The following HIBCH variants were observed in gnomAD, a reference collection of about 807,000 sequenced individuals.
HIBCH encodes 3-hydroxyisobutyryl-CoA hydrolase.
A neutral mutation model predicts 58.2 loss-of-function variants in HIBCH; 50 were observed. The observed-to-expected ratio is 0.86, with a 90% confidence interval of 0.68 to 1.09. The LOEUF (loss-of-function observed/expected upper bound fraction) is 1.09, where lower values mean the gene tolerates loss of function less well. Among genes scored for constraint, HIBCH ranks in the 50% least tolerant of loss-of-function variants. The probability of loss-of-function intolerance (pLI) is 0.00; values close to 1 mark genes in which losing one functional copy is unlikely to be tolerated. For synonymous variants in HIBCH, 151 were observed against 146.9 expected, an observed-to-expected ratio of 1.03 and a Z score of -0.20; for missense variants, 450 against 449.7, an observed-to-expected ratio of 1.00 and a Z score of -0.01.
downstream of HIBCH, among the ~76,000 whole-genome samples, chr2:190,199,329 C>T (rs968118061): frequency 1.6e-4 from 24 of 152,162 alleles, no homozygotes; most frequent in Non-Finnish European, 2.9e-5. Context: ...CATGTAAACA[C>T]GTGAGCATGG....
intron 8 of HIBCH, chr2:190,251,622 T>C (rs955743131): frequency 9.7e-5 from 39 of 401,532 alleles, no homozygotes; most frequent in African/African-American, 7.8e-4. Context: ...ACTCAAACTA[T>C]CTATATATTC....
chr2:190,194,204 G>A (rs1341312870), intron 1 of HIBCH, among the ~76,000 whole-genome samples: 1 of 152,152 alleles, frequency 6.6e-6, no homozygotes. Context: ...CACTTGATAA[G>A]AATATGTAAT....
intron 11 of HIBCH, among the ~76,000 whole-genome samples, chr2:190,227,822 A>G (rs1456678355): frequency 6.6e-6 from 1 of 152,376 alleles, no homozygotes; most frequent in Middle Eastern, 3.4e-3. Context: ...ATCATTGGCC[A>G]TCAGAGAAAT....
chr2:190,288,825 A>C (rs2664267), intron 5 of HIBCH, among the ~76,000 whole-genome samples: 107,830 of 151,780 alleles, frequency 0.71, 38,939 homozygotes, highest in South Asian at 0.75. Flanking sequence ...CTTTAAACTT[A>C]CACCACACCA....
At chr2:190,287,789 T>C (rs1687868453) in intron 5 of HIBCH, 151 bp from the exon 6 acceptor site, 3 of 638,864 alleles carry the variant, frequency 4.7e-6, no homozygotes, top group Non-Finnish European at 5.6e-6. Context: ...GCTTATAAAA[T>C]ACATATTTTT....
intron 1 of HIBCH, among the ~76,000 whole-genome samples, chr2:190,314,750 A>C (rs891116600): frequency 6.6e-6 from 1 of 152,130 alleles, no homozygotes; most frequent in African/African-American, 2.4e-5. Flanking sequence ...AAGTGCTGGG[A>C]TGACAGGTGT....
chr2:190,294,418 ATG>A, intron 4 of HIBCH, 126 bp downstream of exon 4: 1 of 675,244 alleles, frequency 1.5e-6, no homozygotes, highest in Non-Finnish European at 2.6e-6. Flanking sequence ...TTTCCTAAGA[ATG>A]TATTAACTTT....
intron 6 of HIBCH, among the ~76,000 whole-genome samples, chr2:190,265,375 T>C (rs2105957219): frequency 6.6e-6 from 1 of 152,258 alleles, no homozygotes; most frequent in South Asian, 2.1e-4. Context: ...TTTTTCAGGT[T>C]TATTAGCTAT....
chr2:190,267,256 G>A lies in HIBCH; in HGVS notation c.439-6022C>T, dbSNP rs552271383. Among the ~76,000 whole-genome samples the A allele has an allele frequency of 2.6e-5, 4 of 152,108 alleles. No homozygotes were observed. In the South Asian group the frequency reaches 8.3e-4, roughly 32 times the overall value. On this transcript the variant is annotated intron_variant, in intron 6 of 13. Transcript: ENST00000359678. ...CAGAATCTCTGTCACCTAGGCTGGA[G>A]CACAGTGGCGTGACCTTGGCTCATT...
At chr2:190,199,749 C>T, downstream of HIBCH, 2 of 1,520,130 alleles carry the variant, frequency 1.3e-6, no homozygotes, top group South Asian at 1.3e-5. Flanking sequence ...ACTGAAGTGC[C>T]CTGGAGAGGG....
chr2:190,294,699 T>C lies in HIBCH; in HGVS notation c.220-69A>G, dbSNP rs968613561. The stretch of plus-strand genomic sequence containing the variant: ...CAAACTCATTAAAGTTATATGCATA[T>C]GCACATATATTCAATCATATATTCA... On this transcript the variant is annotated intron_variant, in intron 3 of 13. Transcript: ENST00000359678. The C allele has an allele frequency of 7.5e-6, 7 of 937,584 alleles. 1 individual carries two copies. The Admixed American group carries it at 8.5e-5, about 11-fold the overall frequency. The allele number at this position is 937,584 out of a possible 1,614,324, so 58.1% of individuals were successfully genotyped here.
At position 190,197,700 on chromosome 2, in the gene HIBCH, G is replaced by A. The variant is rs891170379; in HGVS notation, c.*17+7400C>T. ...CTTCTCTCAGGGATCACAATCCAGTGTTGCTTGTTGCTCTATGCCTGAAAA... is the reference window on the plus strand; with the variant it reads ...CTTCTCTCAGGGATCACAATCCAGTATTGCTTGTTGCTCTATGCCTGAAAA... On this transcript the variant is annotated intron_variant, in intron 1 of 1. Coordinates refer to the HIBCH transcript ENST00000399855. This position sits in a 1 kb window ranked among gnomAD's most constrained non-coding sequence, Gnocchi z 4.0. Among the ~76,000 whole-genome samples, 4 of 152,298 alleles carry A rather than the reference G, an allele frequency of 2.6e-5. No individual in the cohort carries two copies. The highest frequency in any genetic ancestry group is 4.4e-5 in the Non-Finnish European group (3 of 68,028).
chr2:190,280,382 C>T (rs1394328378), intron 6 of HIBCH, among the ~76,000 whole-genome samples: 3 of 152,122 alleles, frequency 2.0e-5, no homozygotes, highest in African/African-American at 7.2e-5. Flanking sequence ...AGCTCCCCCA[C>T]ACCCAGAATG....
chr2:190,208,923 A>C lies in HIBCH; in HGVS notation c.1012-10T>G, dbSNP rs1246020574. 1 of 1,612,782 alleles carries C rather than the reference A, an allele frequency of 6.2e-7. No homozygotes were observed. The highest frequency in any genetic ancestry group is 8.5e-7 in the Non-Finnish European group (1 of 1,179,046). On this transcript the variant is annotated splice_polypyrimidine_tract_variant and intron_variant, in intron 12 of 13. Transcript: ENST00000359678. Reference sequence around the variant, plus strand: ...GAAAGTCATGACCTCTCTGAAAGAAAATTGAGATTAAATGGGGATAATTTC... The same window carrying C: ...GAAAGTCATGACCTCTCTGAAAGAACATTGAGATTAAATGGGGATAATTTC...
At chr2:190,192,709 G>A (rs748650412) in intron 1 of HIBCH, among the ~76,000 whole-genome samples, 9 of 152,030 alleles carry the variant, frequency 5.9e-5, no homozygotes, top group South Asian at 4.2e-4. Flanking sequence ...TATTTTTCAC[G>A]TACAACGTAC....
chr2:190,267,221 T>G (rs1480341942), intron 6 of HIBCH, among the ~76,000 whole-genome samples: 1 of 152,062 alleles, frequency 6.6e-6, no homozygotes, highest in Non-Finnish European at 1.5e-5. Flanking sequence ...TTTGTTTCAT[T>G]TTTTGGAGAC....
At position 190,211,378 on chromosome 2, in the gene HIBCH, CA is replaced by C. The variant is rs1690509453; in HGVS notation, c.1011+1577del. 5.3e-5 allele frequency among the ~76,000 whole-genome samples: 8 copies of C among 152,324 alleles called. No individual in the cohort carries two copies. In the South Asian group the frequency reaches 1.7e-3, roughly 32 times the overall value. On this transcript the variant is annotated intron_variant, in intron 12 of 13. Transcript: ENST00000359678. This position sits in a 1 kb window ranked among gnomAD's most constrained non-coding sequence, Gnocchi z 5.0. The stretch of plus-strand genomic sequence containing the variant: ...CTCTCAATTGCCACCATGCTTGTCT[CA>C]AAACTACTATTTCACACCTGGATCA...
At chr2:190,261,681 G>C (rs1687091188) in intron 6 of HIBCH, among the ~76,000 whole-genome samples, 1 of 151,888 alleles carries the variant, frequency 6.6e-6, no homozygotes, top group South Asian at 2.1e-4. Context: ...ATATCACCTG[G>C]CCTAGCTGAC....
At chr2:190,199,577 T>C (rs1022403265), downstream of HIBCH, 1 of 424,318 alleles carries the variant, frequency 2.4e-6, no homozygotes, top group East Asian at 4.7e-5. Context: ...TAAAGCTGTT[T>C]GTTTTTACCT....
Sources: allele counts gnomAD v4.1 joint callset (sites outside exome capture counted in the v4.1 genomes callset), GRCh38; gene constraint gnomAD v4.1.1; non-coding constraint Gnocchi (gnomAD v3.1); transcripts MANE v1.5; gene names NCBI Gene and HGNC (gene_info 2026-07-23, HGNC 2026-07-21).